Variants in SLC35F3 observed in about 807,000 individuals in gnomAD.
The protein encoded by SLC35F3 is putative thiamine transporter SLC35F3.
Under a neutral mutation model 49.9 loss-of-function variants are expected in SLC35F3, and 25 were observed. That is an observed-to-expected ratio of 0.50 (90% CI 0.37 to 0.70). The LOEUF is 0.70. SLC35F3 is among the 30% of genes least tolerant of loss of function. The probability of loss-of-function intolerance (pLI) is 0.00; values close to 1 mark genes in which losing one functional copy is unlikely to be tolerated. For synonymous variants in SLC35F3, 275 were observed against 265.4 expected, an observed-to-expected ratio of 1.04 and a Z score of -0.35; for missense variants, 525 against 639.8, an observed-to-expected ratio of 0.82 and a Z score of 1.94.
At chr1:234,262,182 A>G (rs936505120) in intron 3 of SLC35F3, among the ~76,000 whole-genome samples, 5 of 152,252 alleles carry the variant, frequency 3.3e-5, no homozygotes, top group African/African-American at 1.2e-4. Context: ...GAGTTACTTT[A>G]GGAAAGGGAG....
chr1:234,138,197 A>G lies in SLC35F3; in HGVS notation c.284-93220A>G, dbSNP rs139597724. ...TATAACATTGCCACTTTTGTAGGTT[A>G]AAATAAATTGCATATTGTCAATTTT... is the stretch of plus-strand genomic sequence containing the variant. On this transcript the variant is annotated intron_variant, in intron 2 of 7. Transcript: ENST00000366618. Among the ~76,000 whole-genome samples, 16 of 152,340 alleles carry G rather than the reference A, an allele frequency of 1.1e-4. No individual in the cohort carries two copies. The East Asian group carries it at 3.1e-3, about 29-fold the overall frequency.
chr1:234,194,072 G>A (rs1666769251), intron 2 of SLC35F3, among the ~76,000 whole-genome samples: 1 of 152,128 alleles, frequency 6.6e-6, no homozygotes, highest in South Asian at 2.1e-4. Flanking sequence ...AATAAAAGTA[G>A]AACTTCCATT....
At chr1:234,308,832 C>A (rs1389963712) in intron 3 of SLC35F3, among the ~76,000 whole-genome samples, 1 of 152,038 alleles carries the variant, frequency 6.6e-6, no homozygotes. Context: ...AACACACCAA[C>A]ATTACCTTCT....
At chr1:233,981,460 T>C (rs1369862375) in intron 2 of SLC35F3, among the ~76,000 whole-genome samples, 1 of 152,192 alleles carries the variant, frequency 6.6e-6, no homozygotes, top group Admixed American at 6.5e-5. Flanking sequence ...CAGAAGGTCC[T>C]GGAGATTCAT....
chr1:234,004,278 T>G (rs959596674), intron 2 of SLC35F3, among the ~76,000 whole-genome samples: 4 of 152,154 alleles, frequency 2.6e-5, no homozygotes, highest in African/African-American at 9.6e-5. Flanking sequence ...AAGGAAGGAA[T>G]GAATGAGAGC....
intron 2 of SLC35F3, among the ~76,000 whole-genome samples, chr1:233,960,275 G>A (rs375478315): frequency 5.3e-5 from 8 of 152,140 alleles, no homozygotes; most frequent in Admixed American, 1.3e-4. Flanking sequence ...CAAGTCCCTC[G>A]TTTCCCCTCA....
At chr1:234,288,070 G>A (rs1027573162) in intron 3 of SLC35F3, among the ~76,000 whole-genome samples, 6 of 152,146 alleles carry the variant, frequency 3.9e-5, no homozygotes, top group African/African-American at 1.2e-4. Flanking sequence ...ATTTTTTGTG[G>A]AGACTGGGGT....
intron 2 of SLC35F3, among the ~76,000 whole-genome samples, chr1:234,095,410 G>C (rs1380414249): frequency 6.6e-6 from 1 of 151,672 alleles, no homozygotes; most frequent in Non-Finnish European, 1.5e-5. Flanking sequence ...CTGGCTAAAT[G>C]ATGAGGAAAG....
intron 3 of SLC35F3, among the ~76,000 whole-genome samples, chr1:234,293,834 C>A (rs927210316): frequency 9.2e-5 from 14 of 152,192 alleles, no homozygotes; most frequent in African/African-American, 3.4e-4. Context: ...GATATAACAA[C>A]CTTTAATTTC....
chr1:233,985,735 C>G (rs1211493258), intron 2 of SLC35F3, among the ~76,000 whole-genome samples: 1 of 152,178 alleles, frequency 6.6e-6, no homozygotes, highest in Non-Finnish European at 1.5e-5. Context: ...TTGGATAATT[C>G]TCTAAGCTAA....
chr1:233,978,248 C>T (rs956546732), intron 2 of SLC35F3, among the ~76,000 whole-genome samples: 2 of 152,130 alleles, frequency 1.3e-5, no homozygotes, highest in East Asian at 1.9e-4. Flanking sequence ...TCCAGCACAC[C>T]GCGCTGTTTT....
intron 2 of SLC35F3, among the ~76,000 whole-genome samples, chr1:233,931,426 T>TA (rs1662240615): frequency 1.3e-5 from 2 of 152,012 alleles, no homozygotes; most frequent in Non-Finnish European, 2.9e-5. Context: ...ACAAAGAACT[T>TA]AAACAAATTT....
chr1:233,945,455 G>A (rs1397267653), intron 2 of SLC35F3, among the ~76,000 whole-genome samples: 1 of 152,172 alleles, frequency 6.6e-6, no homozygotes, highest in Non-Finnish European at 1.5e-5. Context: ...GATGTGTCTG[G>A]TTATTGAAGG....
At chr1:234,267,507 GC>G (rs1483818050) in intron 3 of SLC35F3, among the ~76,000 whole-genome samples, 2 of 146,594 alleles carry the variant, frequency 1.4e-5, no homozygotes, top group East Asian at 2.1e-4. Context: ...CGGGCGGGGG[GC>G]TGACCCCCCC....
intron 4 of SLC35F3, among the ~76,000 whole-genome samples, chr1:234,316,003 G>T (rs1380619404): frequency 6.6e-6 from 1 of 152,212 alleles, no homozygotes. Context: ...GGTGGGTAGG[G>T]TGGAGGGGCC....
intron 2 of SLC35F3, among the ~76,000 whole-genome samples, chr1:234,082,047 G>A (rs192523026): frequency 3.4e-4 from 51 of 149,440 alleles, no homozygotes; most frequent in African/African-American, 9.6e-4. Flanking sequence ...GAGCCACTGC[G>A]CCCAGCCCAA....
At chr1:234,052,546 TA>T (rs1664394334) in intron 2 of SLC35F3, among the ~76,000 whole-genome samples, 1 of 152,170 alleles carries the variant, frequency 6.6e-6, no homozygotes, top group African/African-American at 2.4e-5. Flanking sequence ...TTATTAGTCT[TA>T]CTAGCGTTCT....
At chr1:234,321,626 A>G (rs1270890486) in intron 7 of SLC35F3, among the ~76,000 whole-genome samples, 3 of 152,192 alleles carry the variant, frequency 2.0e-5, no homozygotes, top group Non-Finnish European at 4.4e-5. Context: ...TCAGCGTATA[A>G]TATGGCCAGG....
At chr1:234,131,575 T>TA (rs1488766055) in intron 2 of SLC35F3, among the ~76,000 whole-genome samples, 2 of 152,182 alleles carry the variant, frequency 1.3e-5, no homozygotes, top group African/African-American at 2.4e-5. Context: ...GAACTTGAGT[T>TA]AAAGACTGTG....
Sources: gnomAD v4.1 joint callset for allele counts (sites outside exome capture counted in the v4.1 genomes callset) on GRCh38, gnomAD v4.1.1 for gene constraint, MANE v1.5 for transcripts, NCBI Gene and HGNC (gene_info 2026-07-23, HGNC 2026-07-21) for gene names.